AFG2B: variants seen among roughly 807,000 people sequenced by gnomAD.
The protein encoded by AFG2B is AAA ATPase AFG2B, also known as ATPase family gene 2 protein homolog B.
the AFG2B span, among the ~76,000 whole-genome samples, chr15:45,404,820 A>G: frequency 6.6e-6 from 1 of 151,044 alleles, no homozygotes; most frequent in African/African-American, 2.4e-5. Flanking sequence ...AAAAAAAAAA[A>G]AAAGAAAAAA....
the AFG2B span, among the ~76,000 whole-genome samples, chr15:45,418,316 C>T: frequency 6.7e-6 from 1 of 148,386 alleles, no homozygotes; most frequent in Non-Finnish European, 1.5e-5. Flanking sequence ...TGTACTCCAG[C>T]CTGGGTGACA....
chr15:45,410,427 T>A, the AFG2B span: 1 of 1,613,966 alleles, frequency 6.2e-7, no homozygotes. Context: ...TTTAAAAATA[T>A]TCAGCCCTCA....
the AFG2B span, chr15:45,406,917 G>C: frequency 2.2e-6 from 2 of 923,574 alleles, no homozygotes; most frequent in South Asian, 2.7e-5. Flanking sequence ...ACTACTTGAA[G>C]TTTTAAAGTT....
chr15:45,409,269 C>G, the AFG2B span, among the ~76,000 whole-genome samples: 42 of 150,784 alleles, frequency 2.8e-4, no homozygotes, highest in Non-Finnish European at 4.7e-4. Flanking sequence ...CCCAGCTACT[C>G]GGTAGGCTGA....
chr15:45,403,637 G>A, the AFG2B span: 1 of 1,318,034 alleles, frequency 7.6e-7, no homozygotes, highest in Non-Finnish European at 1.0e-6. Context: ...TTGGAGTTGG[G>A]GCTCTTTGCA....
chr15:45,411,066 C>G, the AFG2B span, among the ~76,000 whole-genome samples: 1 of 151,934 alleles, frequency 6.6e-6, no homozygotes, highest in Non-Finnish European at 1.5e-5. Flanking sequence ...GCTGGGCATG[C>G]TGGCAGGTGC....
the AFG2B span, chr15:45,403,443 C>T: frequency 6.2e-7 from 1 of 1,608,862 alleles, no homozygotes; most frequent in Non-Finnish European, 8.5e-7. Context: ...ACCGCGAGGT[C>T]GTGGTTGTGG....
the AFG2B span, chr15:45,417,552 G>T: frequency 1.5e-6 from 1 of 665,752 alleles, no homozygotes. Flanking sequence ...TCCTTTGTTG[G>T]ATACTCTGAT....
the AFG2B span, among the ~76,000 whole-genome samples, chr15:45,413,044 T>C: frequency 6.6e-6 from 1 of 152,236 alleles, no homozygotes; most frequent in Non-Finnish European, 1.5e-5. Flanking sequence ...ATTTATAATA[T>C]GCGCCAATAT....
chr15:45,403,540 G>T, the AFG2B span: 1 of 1,592,638 alleles, frequency 6.3e-7, no homozygotes. Flanking sequence ...TGGCGGGTTT[G>T]CCCACTGTCG....
chr15:45,414,763 G>T, the AFG2B span: 4 of 1,613,702 alleles, frequency 2.5e-6, no homozygotes, highest in Non-Finnish European at 3.4e-6. Flanking sequence ...TGGAGATTCA[G>T]AAAAAGTGTT....
chr15:45,417,672 A>G, the AFG2B span: 1 of 314,738 alleles, frequency 3.2e-6, no homozygotes, highest in Non-Finnish European at 6.0e-6. Context: ...GAGTGGAGGA[A>G]TCCTAAAGTG....
At chr15:45,402,531 C>A in the AFG2B span, 2 of 1,596,272 alleles carry the variant, frequency 1.3e-6, no homozygotes, top group Non-Finnish European at 1.7e-6. Context: ...TGGGCCCGGC[C>A]GCCCTCCACG....
At chr15:45,414,442 G>A in the AFG2B span, 2 of 775,410 alleles carry the variant, frequency 2.6e-6, no homozygotes, top group Admixed American at 4.7e-5. Context: ...TCTCTGCAGT[G>A]TGGAGAATGG....
chr15:45,403,088 T>C, the AFG2B span: 5 of 1,525,758 alleles, frequency 3.3e-6, no homozygotes, highest in South Asian at 4.8e-5. Flanking sequence ...CGCCTCCCGC[T>C]CCGCTACCCG....
the AFG2B span, among the ~76,000 whole-genome samples, chr15:45,403,929 G>A: frequency 6.6e-6 from 1 of 152,224 alleles, no homozygotes; most frequent in Non-Finnish European, 1.5e-5. Context: ...CAAGAAGTAA[G>A]TGTGTTGAAA....
At chr15:45,404,692 T>C in the AFG2B span, among the ~76,000 whole-genome samples, 70,858 of 151,018 alleles carry the variant, frequency 0.47, 21,327 homozygotes, top group East Asian at 0.83. Context: ...CCTGTAGTTC[T>C]AGCTACTCTG....
the AFG2B span, chr15:45,405,431 G>C: frequency 6.2e-7 from 1 of 1,614,164 alleles, no homozygotes; most frequent in Non-Finnish European, 8.5e-7. Context: ...AGAAATGACA[G>C]TTGGCTATGT....
chr15:45,404,897 C>T, the AFG2B span, among the ~76,000 whole-genome samples: 18 of 150,534 alleles, frequency 1.2e-4, no homozygotes, highest in Non-Finnish European at 2.4e-4. Flanking sequence ...TTTAATTGAT[C>T]TATTTTTATT....
Sources: gnomAD v4.1 joint callset for allele counts (sites outside exome capture counted in the v4.1 genomes callset) on GRCh38, gnomAD v4.1.1 for gene constraint, MANE v1.5 for transcripts, NCBI Gene and HGNC (gene_info 2026-07-23, HGNC 2026-07-21) for gene names.